ENO4: variants seen among roughly 807,000 people sequenced by gnomAD.
ENO4 encodes the protein 2-phospho-D-glycerate hydro-lyase.
Under a neutral mutation model 63.2 loss-of-function variants are expected in ENO4, and 53 were observed. The observed-to-expected ratio is 0.84, with a 90% CI of 0.67 to 1.05. The LOEUF (loss-of-function observed/expected upper bound fraction) is 1.05, where lower values mean the gene tolerates loss of function less well. ENO4 is among the 50% of genes least tolerant of loss of function. ENO4 has a pLI of 0.00. For missense variants in ENO4, 719 were observed against 772.0 expected (o/e 0.93, Z 0.81); for synonymous variants, 266 against 283.8 (o/e 0.94, Z 0.63).
At position 116,876,227 on chromosome 10, in the gene ENO4, TCTGAC is replaced by T. The variant is rs1846830365; in HGVS notation, c.1505_1509del (p.Ser502PhefsTer9). 1 of 1,548,000 alleles carries T rather than the reference TCTGAC, an allele frequency of 6.5e-7. No individual in the cohort carries two copies. The highest frequency in any genetic ancestry group is 8.7e-7 in the Non-Finnish European group (1 of 1,146,228). ...AAAACACACAAACCAAACTACAATG[TCTGAC>T]TTGGTGGAAATAACCAATCTGATTG... On this transcript the variant is annotated frameshift_variant, in exon 11 of 14. Transcript: ENST00000341276. LOFTEE classifies it high-confidence loss of function.
At chr10:116,868,561 C>T (rs1846605614) in intron 7 of ENO4, 89 bp from the exon 8 acceptor site, 2 of 1,064,408 alleles carry the variant, frequency 1.9e-6, no homozygotes, top group East Asian at 5.2e-5. Flanking sequence ...TTCAGTGTTG[C>T]TGGTCAGGTC....
intron 10 of ENO4, among the ~76,000 whole-genome samples, chr10:116,908,966 T>A (rs2627194): frequency 0.58 from 88,283 of 152,064 alleles, 29,220 homozygotes; most frequent in Non-Finnish European, 0.74. Flanking sequence ...AAAGAAAGGT[T>A]TCTGCATGAC....
chr10:116,911,351 A>T, intron 10 of ENO4: 1 of 1,011,724 alleles, frequency 9.9e-7, no homozygotes, highest in Non-Finnish European at 1.4e-6. Flanking sequence ...CTGTGAGGAA[A>T]GGCAGACTGT....
intron 11 of ENO4, among the ~76,000 whole-genome samples, chr10:116,877,959 G>C (rs1846884276): frequency 6.6e-6 from 1 of 152,198 alleles, no homozygotes; most frequent in African/African-American, 2.4e-5. Flanking sequence ...CTTTGGACCA[G>C]AATGCTTTGC....
intron 10 of ENO4, among the ~76,000 whole-genome samples, chr10:116,908,407 C>G (rs980884186): frequency 2.0e-5 from 3 of 152,026 alleles, no homozygotes; most frequent in African/African-American, 7.3e-5. Flanking sequence ...GTAGAAGAGT[C>G]ACACCATAAG....
downstream of ENO4, chr10:116,884,544 T>C (rs1847109244): frequency 3.4e-6 from 1 of 294,986 alleles, no homozygotes; most frequent in Non-Finnish European, 6.8e-6. Flanking sequence ...TATTCTGTGA[T>C]GGTGTGATGA....
chr10:116,903,542 C>A (rs1234078377), intron 10 of ENO4, among the ~76,000 whole-genome samples: 1 of 152,016 alleles, frequency 6.6e-6, no homozygotes, highest in Non-Finnish European at 1.5e-5. Context: ...AAAAAAAAGG[C>A]CTTTTCCTCC....
At chr10:116,861,260 C>T (rs947783659) in intron 6 of ENO4, 70 bp downstream of exon 6, 2 of 405,384 alleles carry the variant, frequency 4.9e-6, no homozygotes, top group Middle Eastern at 9.3e-4. Flanking sequence ...TATATATACT[C>T]CGTCATTGAT....
chr10:116,903,569 CAT>C (rs1847836309), intron 10 of ENO4, among the ~76,000 whole-genome samples: 1 of 152,068 alleles, frequency 6.6e-6, no homozygotes, highest in African/African-American at 2.4e-5. Flanking sequence ...TGTCAAGCCT[CAT>C]GTTGCATGGA....
chr10:116,864,606 C>T (rs1017262951), intron 7 of ENO4, among the ~76,000 whole-genome samples: 2 of 152,146 alleles, frequency 1.3e-5, no homozygotes, highest in Admixed American at 6.5e-5. Flanking sequence ...AATTCAAATA[C>T]TGATAGAGCT....
rs201954512 is a variant in ENO4, at chr10:116,906,684, T to C, written c.1195-4815T>C. On this transcript the variant is annotated intron_variant, in intron 10 of 10. Transcript: ENST00000369207. The stretch of plus-strand genomic sequence containing the variant: ...CGACGCAAAATCCTTTCTAACTCAG[T>C]TTCACTGTTTTCAGGGTCAAGGGAT... The C allele has an allele frequency of 1.4e-5, 23 of 1,613,576 alleles. 1 individual carries two copies. Among genetic ancestry groups the C allele is most frequent in the Non-Finnish European group, 1.9e-5 (23 of 1,179,678 alleles).
chr10:116,889,449 G>A (rs541692646), intron 10 of ENO4, among the ~76,000 whole-genome samples: 74 of 152,300 alleles, frequency 4.9e-4, no homozygotes, highest in Non-Finnish European at 9.3e-4. Flanking sequence ...GGCATTTTCT[G>A]AATCTAGGCA....
At chr10:116,870,186 C>T (rs543951641) in intron 8 of ENO4, among the ~76,000 whole-genome samples, 2 of 152,224 alleles carry the variant, frequency 1.3e-5, no homozygotes, top group Non-Finnish European at 2.9e-5. Flanking sequence ...CACACACACA[C>T]ACCCCTTACC....
At chr10:116,911,590 A>T in exon 11 of ENO4, 2 of 1,551,196 alleles carry the variant, frequency 1.3e-6, no homozygotes, top group Non-Finnish European at 8.7e-7. Flanking sequence ...TTTAGAACAA[A>T]AACAGCACAG....
At chr10:116,870,323 A>T (rs1034040465) in intron 8 of ENO4, among the ~76,000 whole-genome samples, 4 of 152,188 alleles carry the variant, frequency 2.6e-5, no homozygotes, top group African/African-American at 9.6e-5. Flanking sequence ...TCCTGAAATC[A>T]TCTTCCACTA....
intron 4 of ENO4, among the ~76,000 whole-genome samples, chr10:116,859,811 G>C (rs1402567014): frequency 6.6e-6 from 1 of 152,106 alleles, no homozygotes; most frequent in Non-Finnish European, 1.5e-5. Flanking sequence ...AAATAATGTG[G>C]GTTCCATTGA....
intron 13 of ENO4, among the ~76,000 whole-genome samples, chr10:116,880,263 C>A (rs2531692): frequency 4.6e-5 from 7 of 152,144 alleles, no homozygotes; most frequent in Non-Finnish European, 8.8e-5. Flanking sequence ...CCAAGCCTAC[C>A]TTTTGTTATG....
chr10:116,873,747 A>G (rs1846760085), intron 9 of ENO4: 1 of 333,198 alleles, frequency 3.0e-6, no homozygotes, highest in African/African-American at 2.2e-5. Flanking sequence ...TTGTGAATTT[A>G]TGTTATTGTC....
chr10:116,896,688 G>A (rs929993192), intron 10 of ENO4, among the ~76,000 whole-genome samples: 1 of 152,012 alleles, frequency 6.6e-6, no homozygotes, highest in African/African-American at 2.4e-5. Flanking sequence ...TATTCTCTTA[G>A]AGGACCAGCA....
Sources: allele counts gnomAD v4.1 joint callset (sites outside exome capture counted in the v4.1 genomes callset), GRCh38; gene constraint gnomAD v4.1.1; transcripts MANE v1.5; gene names NCBI Gene and HGNC (gene_info 2026-07-23, HGNC 2026-07-21).